The following GXYLT1 variants were observed in gnomAD, a reference collection of about 807,000 sequenced individuals.
The protein encoded by GXYLT1 is glucoside xylosyltransferase 1.
GXYLT1 carries 29 observed loss-of-function variants against 54.0 expected under a neutral mutation model. The ratio of observed to expected loss-of-function variants is 0.54; its 90% CI spans 0.40 to 0.73. GXYLT1 has a LOEUF of 0.73. GXYLT1 is among the 30% of genes least tolerant of loss of function. The pLI, the probability that GXYLT1 is intolerant of heterozygous loss-of-function variation, is 0.00. For missense variants in GXYLT1, 490 were observed against 553.4 expected (o/e 0.89, Z 1.15); for synonymous variants, 176 against 204.1 (o/e 0.86, Z 1.17).
At chr12:42,093,454 ATAAAT>A (rs2065339531) in intron 7 of GXYLT1, among the ~76,000 whole-genome samples, 1 of 152,180 alleles carries the variant, frequency 6.6e-6, no homozygotes, top group Non-Finnish European at 1.5e-5. Context: ...TTATAGAAAA[ATAAAT>A]ATACAATAGC....
chr12:42,102,804 C>A (rs1396111789), intron 5 of GXYLT1, among the ~76,000 whole-genome samples: 8 of 151,744 alleles, frequency 5.3e-5, no homozygotes, highest in Non-Finnish European at 1.5e-5. Context: ...CAAAATAGAA[C>A]GTAATCATTT....
chr12:42,129,827 G>C lies in GXYLT1; in HGVS notation c.246C>G (p.Tyr82Ter). The part of the protein sequence containing the change: ...SDRCKDFSLC[Y>*]WNPYWMLPSD... ...AGGGCAGCATCCAATAGGGATTCCA[G>C]TAACACAGAGAGAAATCTTTACACC... Residue 82 changes from tyrosine to a stop codon, truncating the protein, a stop_gained, in exon 2 of 8, where the codon TAC (tyrosine) becomes TAG (stop). Transcript: ENST00000398675. LOFTEE classifies it high-confidence loss of function. 6.2e-7 allele frequency: 1 copy of C among 1,612,926 alleles called. No homozygotes were observed. Among genetic ancestry groups the C allele is most frequent in the African/African-American group, 1.3e-5 (1 of 74,994 alleles).
At chr12:42,094,026 G>C (rs2065342544) in intron 7 of GXYLT1, among the ~76,000 whole-genome samples, 1 of 151,380 alleles carries the variant, frequency 6.6e-6, no homozygotes, top group South Asian at 2.1e-4. Context: ...CCCAAGTGTA[G>C]ACTGGAAAAA....
chr12:42,109,685 T>C lies in GXYLT1; in HGVS notation c.493A>G (p.Asn165Asp). The change falls in exon 4 of 8, where the codon AAC (asparagine) becomes GAC (aspartate). Residue 165 changes from asparagine to aspartate, a missense_variant. By Grantham distance (23) the Asn-to-Asp change is conservative. Transcript: ENST00000398675. ...LHHSFKGRLD[N>D]WSFLQTFNYT... Reference sequence around the variant, plus strand: ...TTAAATGTTTGTAGAAATGACCAGTTGTCAAGCTAAAACAATTTAAAAAAA... The same window carrying C: ...TTAAATGTTTGTAGAAATGACCAGTCGTCAAGCTAAAACAATTTAAAAAAA... 1.3e-6 allele frequency: 2 copies of C among 1,516,844 alleles called. No individual in the cohort carries two copies. The highest frequency in any genetic ancestry group is 1.4e-5 in the African/African-American group (1 of 71,290). 94.0% of individuals were successfully genotyped at this position (1,516,844 alleles called of 1,614,324 possible).
chr12:42,114,052 G>A (rs2065476627), intron 3 of GXYLT1, among the ~76,000 whole-genome samples: 2 of 152,180 alleles, frequency 1.3e-5, no homozygotes, highest in South Asian at 4.1e-4. Context: ...TGAAATGAAG[G>A]CAGAAATAAA....
chr12:42,100,804 AG>A (rs2065385587), intron 5 of GXYLT1, among the ~76,000 whole-genome samples: 1 of 152,172 alleles, frequency 6.6e-6, no homozygotes, highest in Non-Finnish European at 1.5e-5. Flanking sequence ...GACAAAAACC[AG>A]GAACACTTTC....
chr12:42,098,055 A>G (rs757085144), intron 5 of GXYLT1, 22 bp from the exon 6 acceptor site: 2 of 1,604,832 alleles, frequency 1.2e-6, no homozygotes, highest in African/African-American at 1.3e-5. Context: ...AACATTCAAA[A>G]GAGCTTCAGA....
At position 42,118,991 on chromosome 12, in the gene GXYLT1, A is replaced by G; in HGVS notation, c.486+9T>C. ...ACTCTACAACCTTGACTATGTCTCA[A>G]ATACTTACTCTGCCTTTAAAGCTAT... is the stretch of plus-strand genomic sequence containing the variant. On this transcript the variant is annotated intron_variant, in intron 3 of 7. Coordinates refer to ENST00000398675, the MANE Select transcript of GXYLT1 (RefSeq NM_173601.2). The G allele has an allele frequency of 7.2e-7, 1 of 1,384,154 alleles. No homozygotes were observed. Among genetic ancestry groups the G allele is most frequent in the African/African-American group, 1.6e-5 (1 of 64,222 alleles). The allele number at this position is 1,384,154 out of a possible 1,614,324, so 85.7% of individuals were successfully genotyped here. A position where few individuals can be genotyped will look rare whatever the true frequency, so the allele number is the denominator to read the frequency against.
At chr12:42,097,204 A>G (rs1281079834) in intron 7 of GXYLT1, among the ~76,000 whole-genome samples, 1 of 152,042 alleles carries the variant, frequency 6.6e-6, no homozygotes, top group Non-Finnish European at 1.5e-5. Flanking sequence ...GGGTAAAAGA[A>G]CTTAATGTAT....
chr12:42,093,048 C>G (rs1307335174), intron 7 of GXYLT1, among the ~76,000 whole-genome samples: 1 of 152,108 alleles, frequency 6.6e-6, no homozygotes, highest in Non-Finnish European at 1.5e-5. Flanking sequence ...GTCTCAACAC[C>G]ATCAAAACGT....
chr12:42,118,471 C>T (rs1053352377), intron 3 of GXYLT1, among the ~76,000 whole-genome samples: 3 of 152,194 alleles, frequency 2.0e-5, no homozygotes, highest in African/African-American at 7.2e-5. Context: ...TCCTCTTTCA[C>T]GTTAGATCTG....
In GXYLT1 at chr12:42,137,762, GA is replaced by G. The variant is rs56387868; in HGVS notation, c.221+6663del. 6.7e-4 allele frequency among the ~76,000 whole-genome samples: 72 copies of G among 107,174 alleles called. 1 individual carries two copies. The highest frequency in any genetic ancestry group is 2.6e-3 in the Admixed American group (23 of 9,016). 70.3% of individuals were successfully genotyped at this position (107,174 alleles called of 152,430 possible). ...ACAGAGCGAGACTCCATCTCAAATTGAAAAAAAAAAAAAAAAGTCAGTGATA... is the reference window on the plus strand; with the variant it reads ...ACAGAGCGAGACTCCATCTCAAATTGAAAAAAAAAAAAAAAGTCAGTGATA... On this transcript the variant is annotated intron_variant, in intron 1 of 7. Transcript: ENST00000398675.
In GXYLT1 at chr12:42,144,781, T is replaced by C. The variant is rs1054514262; in HGVS notation, c.-135A>G. On this transcript the variant is annotated 5_prime_UTR_variant, in exon 1 of 8. Coordinates refer to ENST00000398675, the MANE Select transcript of GXYLT1 (RefSeq NM_173601.2). ...GCCGCCGCCGCCGCCTTGCGCCCGC[T>C]CCCTTCCTTCCCTCCCCGCCCACCA... The C allele has an allele frequency of 2.1e-5, 11 of 532,696 alleles. No individual in the cohort carries two copies. The African/African-American group carries it at 2.2e-4, about 11-fold the overall frequency. 33.0% of individuals were successfully genotyped at this position (532,696 alleles called of 1,614,324 possible).
chr12:42,138,609 G>C (rs1026320354), intron 1 of GXYLT1, among the ~76,000 whole-genome samples: 1 of 152,144 alleles, frequency 6.6e-6, no homozygotes, highest in Non-Finnish European at 1.5e-5. Context: ...GTAAAAAGTA[G>C]CCAATCTGAA....
intron 5 of GXYLT1, among the ~76,000 whole-genome samples, chr12:42,102,541 T>C (rs1011934080): frequency 1.3e-5 from 2 of 152,108 alleles, no homozygotes; most frequent in African/African-American, 4.8e-5. Flanking sequence ...ATATTCTTAA[T>C]ATAAAGCTGT....
intron 2 of GXYLT1, among the ~76,000 whole-genome samples, chr12:42,121,578 T>C (rs1385508644): frequency 6.6e-6 from 1 of 151,882 alleles, no homozygotes; most frequent in African/African-American, 2.4e-5. Context: ...TGCAGTGAGC[T>C]GTGAGCATGC....
chr12:42,122,450 C>T (rs138434346), intron 2 of GXYLT1, among the ~76,000 whole-genome samples: 3,653 of 152,160 alleles, frequency 0.024, 144 homozygotes, highest in African/African-American at 0.084. Flanking sequence ...ATTAGCCGGG[C>T]ATGGTGGCAC....
rs2065546816 is a variant in GXYLT1 at position 42,124,053 on chromosome 12, C to T, written c.315-4882G>A. On this transcript the variant is annotated intron_variant, in intron 2 of 7. Transcript: ENST00000398675. ...AAAACAAAATACTTAAAAAAAAAAG[C>T]TAGGATTTTTATATAAAGCATTAAA... is the stretch of plus-strand genomic sequence containing the variant. 2.0e-5 allele frequency among the ~76,000 whole-genome samples: 3 copies of T among 148,720 alleles called. No individual in the cohort carries two copies. In the South Asian group the frequency reaches 6.4e-4, roughly 32 times the overall value.
chr12:42,136,615 C>T (rs771116435), intron 1 of GXYLT1, among the ~76,000 whole-genome samples: 25 of 152,108 alleles, frequency 1.6e-4, no homozygotes, highest in Non-Finnish European at 2.9e-4. Flanking sequence ...GGTACCTTTG[C>T]GGTGATGAAA....
Sources: allele counts gnomAD v4.1 joint callset (sites outside exome capture counted in the v4.1 genomes callset), GRCh38; gene constraint gnomAD v4.1.1; transcripts MANE v1.5; gene names NCBI Gene and HGNC (gene_info 2026-07-23, HGNC 2026-07-21).